TNKS: variants seen among roughly 807,000 people sequenced by gnomAD.
The protein encoded by TNKS is poly [ADP-ribose] polymerase tankyrase-1.
In TNKS, 72 loss-of-function variants were observed where a neutral mutation model predicts 135.8. The observed-to-expected ratio is 0.53, with a 90% CI of 0.44 to 0.64. The LOEUF is 0.64. Among genes scored for constraint, TNKS ranks in the 30% least tolerant of loss-of-function variants. TNKS has a pLI of 0.00. For synonymous variants in TNKS, 849 were observed against 649.3 expected (o/e 1.31, Z -4.68); for missense variants, 1,769 against 1,674.0 (o/e 1.06, Z -0.99).
chr8:9,690,913 C>A (rs1375754511), intron 5 of TNKS, among the ~76,000 whole-genome samples: 1 of 152,068 alleles, frequency 6.6e-6, no homozygotes, highest in Non-Finnish European at 1.5e-5. Context: ...TAGAATCTTA[C>A]TTGGATGGGG....
chr8:9,593,792 C>T (rs1181569441), intron 2 of TNKS, among the ~76,000 whole-genome samples: 1 of 152,036 alleles, frequency 6.6e-6, no homozygotes, highest in Non-Finnish European at 1.5e-5. Context: ...TGGAATGGCA[C>T]GGGATTGGGG....
At chr8:9,632,956 C>G (rs1283355001) in intron 3 of TNKS, among the ~76,000 whole-genome samples, 2 of 152,138 alleles carry the variant, frequency 1.3e-5, no homozygotes, top group African/African-American at 2.4e-5. Flanking sequence ...GTCTCAATCT[C>G]CTGACCTCGT....
At chr8:9,730,741 A>G in intron 13 of TNKS, 149 bp from the exon 14 acceptor site, 3 of 895,640 alleles carry the variant, frequency 3.3e-6, no homozygotes, top group Non-Finnish European at 4.9e-6. Context: ...GCTGATTTCT[A>G]AACATTTGTA....
At chr8:9,769,697 G>A (rs1807701376) in intron 25 of TNKS, among the ~76,000 whole-genome samples, 2 of 136,542 alleles carry the variant, frequency 1.5e-5, no homozygotes, top group African/African-American at 5.6e-5. Flanking sequence ...TCGGCTCACT[G>A]CAAGCTCCAC....
At chr8:9,761,755 C>G (rs186566435) in intron 21 of TNKS, 119 bp downstream of exon 21, 1 of 1,020,768 alleles carries the variant, frequency 9.8e-7, no homozygotes, top group Admixed American at 3.3e-5. Flanking sequence ...TATTGTACCT[C>G]CTGTCCCTTC....
chr8:9,694,142 T>C (rs1270683853), intron 5 of TNKS, among the ~76,000 whole-genome samples: 1 of 152,236 alleles, frequency 6.6e-6, no homozygotes, highest in Non-Finnish European at 1.5e-5. Flanking sequence ...ACATCACACA[T>C]GCTTGTATTG....
At chr8:9,579,578 C>T (rs1798090946) in intron 1 of TNKS, among the ~76,000 whole-genome samples, 1 of 152,162 alleles carries the variant, frequency 6.6e-6, no homozygotes, top group Non-Finnish European at 1.5e-5. Flanking sequence ...AAGCGATTCT[C>T]GTGCCTCAGC....
intron 5 of TNKS, among the ~76,000 whole-genome samples, chr8:9,700,605 T>G (rs1326868331): frequency 1.3e-5 from 1 of 77,146 alleles, no homozygotes; most frequent in Non-Finnish European, 2.9e-5. Flanking sequence ...TCCCTTACAC[T>G]CCCTTCTTTT....
intron 2 of TNKS, among the ~76,000 whole-genome samples, chr8:9,597,904 T>C (rs997391152): frequency 2.0e-5 from 3 of 152,156 alleles, no homozygotes; most frequent in African/African-American, 7.2e-5. Context: ...TCAGAACAAT[T>C]GATAATAGGA....
At position 9,665,272 on chromosome 8, in the gene TNKS, C is replaced by T. The variant is rs1801934081; in HGVS notation, c.995-14679C>T. On this transcript the variant is annotated intron_variant, in intron 3 of 26. Transcript: ENST00000310430. ...CTGGAGTCAGTTTTTAGTCTTTCTT[C>T]ACTTACATATTTGAACAGTTGACTG... 2.0e-5 allele frequency among the ~76,000 whole-genome samples: 3 copies of T among 152,284 alleles called. No individual in the cohort carries two copies. In the South Asian group the frequency reaches 6.2e-4, roughly 32 times the overall value.
chr8:9,596,162 T>G (rs1798779099), intron 2 of TNKS, among the ~76,000 whole-genome samples: 1 of 152,084 alleles, frequency 6.6e-6, no homozygotes. Flanking sequence ...CATACTGTAG[T>G]TTTCAGTGAG....
intron 26 of TNKS, 142 bp downstream of exon 26, chr8:9,770,404 G>A (rs989121126): frequency 2.3e-5 from 22 of 951,594 alleles, no homozygotes; most frequent in Non-Finnish European, 3.0e-5. Flanking sequence ...ACAAAATAAA[G>A]GTATCAAAAT....
chr8:9,649,462 T>A (rs1801050968), intron 3 of TNKS, among the ~76,000 whole-genome samples: 1 of 152,182 alleles, frequency 6.6e-6, no homozygotes, highest in Non-Finnish European at 1.5e-5. Flanking sequence ...TAATAACTAA[T>A]GGTCTTTAAT....
rs149819333 is a variant in TNKS, at chr8:9,574,522, G to A, written c.674-5637G>A. 6.0e-3 allele frequency among the ~76,000 whole-genome samples: 913 copies of A among 152,184 alleles called. 13 individuals carry two copies. The highest frequency in any genetic ancestry group is 0.034 in the South Asian group (164 of 4,820). On this transcript the variant is annotated intron_variant, in intron 1 of 26. Coordinates refer to ENST00000310430, the MANE Select transcript of TNKS (RefSeq NM_003747.3). ...TCACTTGTCTGTTTTTCACATAGCT[G>A]ACAGATGATCCTTTTAAGATTTAAA...
At chr8:9,736,616 A>C (rs1374981215) in intron 17 of TNKS, among the ~76,000 whole-genome samples, 1 of 128,042 alleles carries the variant, frequency 7.8e-6, no homozygotes, top group Non-Finnish European at 1.6e-5. Flanking sequence ...AGCTTTCTAC[A>C]TATGGCTAGC....
At chr8:9,596,175 A>G (rs954937010) in intron 2 of TNKS, among the ~76,000 whole-genome samples, 1 of 152,238 alleles carries the variant, frequency 6.6e-6, no homozygotes, top group Admixed American at 6.5e-5. Flanking sequence ...TCAGTGAGAT[A>G]CATGGCTTAA....
At chr8:9,561,195 A>G (rs966140662) in intron 1 of TNKS, among the ~76,000 whole-genome samples, 6 of 152,212 alleles carry the variant, frequency 3.9e-5, no homozygotes, top group African/African-American at 1.4e-4. Context: ...GCTAATTTGC[A>G]TATCATTATC....
chr8:9,776,729 A>C lies in TNKS; in HGVS notation c.3977A>C (p.Lys1326Thr). 6.2e-7 allele frequency: 1 copy of C among 1,614,008 alleles called. No homozygotes were observed. Among genetic ancestry groups the C allele is most frequent in the Non-Finnish European group, 8.5e-7 (1 of 1,179,896 alleles). Residue 1326 changes from lysine to threonine, a missense_variant, in exon 27 of 27, where the codon AAG becomes ACG. Lys to Thr is a moderately conservative substitution (Grantham distance 78). Transcript: ENST00000310430. ...CAGACCGCAACAGCCGCAGAGCAGAAGACCTAGTGAATGCCTGCTGGTGAA... is the reference window on the plus strand; with the variant it reads ...CAGACCGCAACAGCCGCAGAGCAGACGACCTAGTGAATGCCTGCTGGTGAA... ...PSQTATAAEQKT is the reference protein window; with the variant it reads ...PSQTATAAEQTT
At chr8:9,759,647 C>A (rs148226503) in intron 20 of TNKS, among the ~76,000 whole-genome samples, 1 of 152,236 alleles carries the variant, frequency 6.6e-6, no homozygotes, top group African/African-American at 2.4e-5. Flanking sequence ...GTGTCTGCTT[C>A]CTCCAGACGT....
Sources: gnomAD v4.1 joint callset for allele counts (sites outside exome capture counted in the v4.1 genomes callset) on GRCh38, gnomAD v4.1.1 for gene constraint, MANE v1.5 for transcripts, NCBI Gene and HGNC (gene_info 2026-07-23, HGNC 2026-07-21) for gene names.